ACTL6A: variants seen among roughly 807,000 people sequenced by gnomAD.
The protein encoded by ACTL6A is actin like 6A.
In ACTL6A, 5 loss-of-function variants were observed where a neutral mutation model predicts 59.2. The observed-to-expected ratio is 0.08, with a 90% CI of 0.04 to 0.18. The LOEUF is 0.18. ACTL6A is among the 10% of genes least tolerant of loss of function. ACTL6A has a pLI of 1.00. For synonymous variants in ACTL6A, 154 were observed against 171.8 expected, an observed-to-expected ratio of 0.90 and a Z score of 0.81; for missense variants, 285 against 526.9, an observed-to-expected ratio of 0.54 and a Z score of 4.49.
rs2108361086 is a variant in ACTL6A, at chr3:179,574,417, A to C, written c.426A>C (p.Glu142Asp). 6.2e-7 allele frequency: 1 copy of C among 1,613,518 alleles called. No individual in the cohort carries two copies. The highest frequency in any genetic ancestry group is 8.5e-7 in the Non-Finnish European group (1 of 1,179,590). Reference sequence around the variant, plus strand: ...AGAAACTGACAGAGTTAATGTTTGAACACTACAACATCCCTGCCTTCTTCC... The same window carrying C: ...AGAAACTGACAGAGTTAATGTTTGACCACTACAACATCCCTGCCTTCTTCC... ...KREKLTELMFEHYNIPAFFLC... is the reference protein window; with the variant it reads ...KREKLTELMFDHYNIPAFFLC... The change falls in exon 5 of 14, where the codon GAA (glutamate) becomes GAC (aspartate). Residue 142 changes from glutamate to aspartate, a missense_variant. Glu to Asp is a conservative substitution (Grantham distance 45). Transcript: ENST00000429709.
Position 179,588,061 on chromosome 3 carries a change from C to A in ACTL6A, c.*51C>A. ...CCTTTTGTCACCTTACGTTTCATAG[C>A]TTTAGTATACTCAGGAAAAGAATGA... On this transcript the variant is annotated 3_prime_UTR_variant, in exon 14 of 14. Coordinates refer to ENST00000429709, the MANE Select transcript of ACTL6A (RefSeq NM_004301.5). 1 of 1,328,862 alleles carries A rather than the reference C, an allele frequency of 7.5e-7. No individual in the cohort carries two copies. Among genetic ancestry groups the A allele is most frequent in the Non-Finnish European group, 1.0e-6 (1 of 961,080 alleles). The allele number at this position is 1,328,862 out of a possible 1,614,324, so 82.3% of individuals were successfully genotyped here.
intron 5 of ACTL6A, among the ~76,000 whole-genome samples, chr3:179,575,687 A>G (rs755534378): frequency 6.6e-6 from 1 of 152,228 alleles, no homozygotes; most frequent in Admixed American, 6.5e-5. Flanking sequence ...GGATCTGCCA[A>G]TATTTACCAA....
At chr3:179,584,184 T>G (rs1718415597) in intron 12 of ACTL6A, 1 of 152,180 alleles carries the variant, frequency 6.6e-6, no homozygotes, top group Non-Finnish European at 1.5e-5. Flanking sequence ...CAGGATAAAA[T>G]CTAGCAGTGG....
In ACTL6A at chr3:179,581,132, T is replaced by C; in HGVS notation, c.946-8T>C. On this transcript the variant is annotated splice_region_variant and splice_polypyrimidine_tract_variant and intron_variant, in intron 10 of 13. Coordinates refer to ENST00000429709, the MANE Select transcript of ACTL6A (RefSeq NM_004301.5). The stretch of plus-strand genomic sequence containing the variant: ...TTCCATGTGACTACTTGTTTTCTTT[T>C]GTTGTAGGGGTTATCAGGAAACACA... 1 of 1,613,782 alleles carries C rather than the reference T, an allele frequency of 6.2e-7. No homozygotes were observed. The highest frequency in any genetic ancestry group is 8.5e-7 in the Non-Finnish European group (1 of 1,179,668).
intron 1 of ACTL6A, among the ~76,000 whole-genome samples, chr3:179,568,150 C>G (rs1717894272): frequency 7.6e-6 from 1 of 131,040 alleles, no homozygotes; most frequent in South Asian, 2.3e-4. Context: ...CCAGCCTGGG[C>G]AGCAATACAG....
intron 3 of ACTL6A, among the ~76,000 whole-genome samples, chr3:179,572,986 T>C (rs566965072): frequency 1.3e-5 from 2 of 151,068 alleles, no homozygotes; most frequent in South Asian, 2.1e-4. Context: ...TTCTTTCTTT[T>C]TTTTTTTTTT....
At chr3:179,578,618 A>G (rs1349577536) in intron 8 of ACTL6A, among the ~76,000 whole-genome samples, 1 of 152,142 alleles carries the variant, frequency 6.6e-6, no homozygotes, top group East Asian at 1.9e-4. Context: ...AACCCATCTC[A>G]AAAAAGAAAA....
intron 5 of ACTL6A, chr3:179,575,476 C>T (rs955584876): frequency 8.8e-6 from 4 of 455,854 alleles, no homozygotes; most frequent in Non-Finnish European, 1.8e-5. Flanking sequence ...CATTGTGTGT[C>T]TACTGTGTTA....
rs1184281897 is a variant in ACTL6A, at chr3:179,570,025, A to T, written c.103-42A>T. 6.3e-7 allele frequency: 1 copy of T among 1,593,864 alleles called. No individual in the cohort carries two copies. The highest frequency in any genetic ancestry group is 8.5e-7 in the Non-Finnish European group (1 of 1,170,840). ...TAATTGGGGAAAAAATGCCTTCTTG[A>T]TGAAAGGTGAAACTTGTATGTCATG... is the stretch of plus-strand genomic sequence containing the variant. On this transcript the variant is annotated intron_variant, in intron 2 of 13. Coordinates refer to ENST00000429709, the MANE Select transcript of ACTL6A (RefSeq NM_004301.5). This position sits in a 1 kb window ranked among gnomAD's most constrained non-coding sequence, Gnocchi z 4.3.
Position 179,588,177 on chromosome 3 carries a change from G to A in ACTL6A, c.*167G>A, listed in dbSNP as rs747771828. 8 of 492,902 alleles carry A rather than the reference G, an allele frequency of 1.6e-5. No individual in the cohort carries two copies. The highest frequency in any genetic ancestry group is 1.7e-5 in the Non-Finnish European group (5 of 285,936). 30.5% of individuals were successfully genotyped at this position (492,902 alleles called of 1,614,324 possible). On this transcript the variant is annotated 3_prime_UTR_variant, in exon 14 of 14. Coordinates refer to ENST00000429709, the MANE Select transcript of ACTL6A (RefSeq NM_004301.5). ...TTAACTGGCTCTATAAATTAAGTTT[G>A]TGCTTTCCTTGAAATGCACTTATTC...
intron 1 of ACTL6A, among the ~76,000 whole-genome samples, chr3:179,567,971 A>G (rs1266387342): frequency 1.3e-5 from 2 of 152,152 alleles, no homozygotes; most frequent in African/African-American, 4.8e-5. Flanking sequence ...CAGGAGTTTG[A>G]GACCAGCCTG....
chr3:179,586,473 A>G, intron 12 of ACTL6A, 73 bp from the exon 13 acceptor site: 1 of 1,147,434 alleles, frequency 8.7e-7, no homozygotes, highest in South Asian at 1.7e-5. Flanking sequence ...ATTTGAAAAA[A>G]AAAAAAAAAA....
chr3:179,584,399 G>A (rs1718422802), intron 12 of ACTL6A: 3 of 152,192 alleles, frequency 2.0e-5, no homozygotes, highest in Admixed American at 2.0e-4. Flanking sequence ...GGCCGAGGCA[G>A]ATGGATTATG....
At chr3:179,572,055 C>G (rs575085328) in intron 3 of ACTL6A, among the ~76,000 whole-genome samples, 1 of 150,786 alleles carries the variant, frequency 6.6e-6, no homozygotes, top group Non-Finnish European at 1.5e-5. Flanking sequence ...ATTCAGTAAA[C>G]GGGAATAAAA....
intron 3 of ACTL6A, among the ~76,000 whole-genome samples, chr3:179,571,307 T>C (rs9861172): frequency 0.64 from 97,063 of 151,508 alleles, 31,309 homozygotes; most frequent in East Asian, 0.89. Context: ...CACCTGTAAT[T>C]CCAGCTACTT....
intron 5 of ACTL6A, chr3:179,575,288 C>A: frequency 2.3e-6 from 1 of 436,588 alleles, no homozygotes; most frequent in Admixed American, 2.5e-5. Flanking sequence ...TTCCCACATG[C>A]TCCTACTCTT....
At chr3:179,564,506 G>A (rs557284575) in intron 1 of ACTL6A, among the ~76,000 whole-genome samples, 3 of 152,268 alleles carry the variant, frequency 2.0e-5, no homozygotes, top group East Asian at 1.9e-4. Context: ...GTTCTATTAA[G>A]CCTCCTGCCT....
At chr3:179,587,617 T>C (rs1444688722) in intron 13 of ACTL6A, among the ~76,000 whole-genome samples, 1 of 152,092 alleles carries the variant, frequency 6.6e-6, no homozygotes, top group Non-Finnish European at 1.5e-5. Context: ...CTCACACCTA[T>C]AATTCCAGCA....
At chr3:179,563,200 G>A (rs1376391163) in intron 1 of ACTL6A, 83 bp downstream of exon 1, 12 of 1,198,696 alleles carry the variant, frequency 1.0e-5, no homozygotes, top group East Asian at 8.7e-5. Context: ...TCCCCTCCCC[G>A]GCGTTCCCTT....
Sources: allele counts gnomAD v4.1 joint callset (sites outside exome capture counted in the v4.1 genomes callset), GRCh38; gene constraint gnomAD v4.1.1; non-coding constraint Gnocchi (gnomAD v3.1); transcripts MANE v1.5; gene names NCBI Gene and HGNC (gene_info 2026-07-23, HGNC 2026-07-21).